The following TRAK1 variants were observed in gnomAD, a reference collection of about 807,000 sequenced individuals.
TRAK1 encodes trafficking kinesin protein 1.
A neutral mutation model predicts 92.1 loss-of-function variants in TRAK1; 33 were observed. That is an observed-to-expected ratio of 0.36 (90% confidence interval 0.27 to 0.48). The LOEUF (loss-of-function observed/expected upper bound fraction) is 0.48, where lower values mean the gene tolerates loss of function less well. TRAK1 is among the 20% of genes least tolerant of loss of function. TRAK1 has a pLI of 0.99. For synonymous variants in TRAK1, 521 were observed against 517.3 expected (o/e 1.01, Z -0.10); for missense variants, 1,123 against 1,257.9 (o/e 0.89, Z 1.62).
At chr3:42,125,327 C>T (rs534569423) in intron 1 of TRAK1, 93 bp from the exon 2 acceptor site, 42 of 1,162,072 alleles carry the variant, frequency 3.6e-5, no homozygotes, top group Admixed American at 7.8e-5. Flanking sequence ...GATAAATAAC[C>T]GAAGATACCT....
intron 1 of TRAK1, among the ~76,000 whole-genome samples, chr3:42,053,668 C>T (rs562089793): frequency 1.3e-5 from 2 of 152,238 alleles, no homozygotes; most frequent in East Asian, 1.9e-4. Context: ...GCCAAGTCCA[C>T]GCTGCCCCTG....
At chr3:42,136,733 A>C (rs1223608788) in intron 2 of TRAK1, among the ~76,000 whole-genome samples, 2 of 151,958 alleles carry the variant, frequency 1.3e-5, no homozygotes, top group African/African-American at 4.8e-5. Flanking sequence ...CCCAGGCTGG[A>C]GTGCAGTGGC....
At chr3:42,190,568 A>G (rs1705567178) in intron 6 of TRAK1, among the ~76,000 whole-genome samples, 2 of 152,170 alleles carry the variant, frequency 1.3e-5, no homozygotes, top group South Asian at 4.1e-4. Flanking sequence ...TGCCCCAGGT[A>G]AATGCTCCAG....
intron 2 of TRAK1, among the ~76,000 whole-genome samples, chr3:42,169,686 A>T (rs1032819353): frequency 6.6e-6 from 1 of 150,596 alleles, no homozygotes; most frequent in South Asian, 2.1e-4. Context: ...AAAAAAAAAA[A>T]AGTGGGGATA....
At chr3:42,121,384 C>T (rs1429111751) in intron 1 of TRAK1, among the ~76,000 whole-genome samples, 1 of 151,992 alleles carries the variant, frequency 6.6e-6, no homozygotes, top group East Asian at 1.9e-4. Flanking sequence ...CTCAGCCTCC[C>T]TAGTAGCTGG....
At chr3:42,043,775 C>A (rs1702649524) in intron 1 of TRAK1, among the ~76,000 whole-genome samples, 1 of 151,900 alleles carries the variant, frequency 6.6e-6, no homozygotes, top group African/African-American at 2.4e-5. Flanking sequence ...CACCCCACCC[C>A]CCCGCCACCC....
chr3:42,193,827 G>T lies in TRAK1; in HGVS notation c.904G>T (p.Ala302Ser), dbSNP rs778906690. The T allele has an allele frequency of 6.2e-7, 1 of 1,614,088 alleles. No individual in the cohort carries two copies. The highest frequency in any genetic ancestry group is 8.5e-7 in the Non-Finnish European group (1 of 1,180,020). ...ATCTATCTTTGCCATGCTTTAGTGC[G>T]CAGTGGAAAATGAAGAACTTGTCCA... ...VDLQKKAKAC[A>S]VENEELVQHL... Residue 302 changes from alanine (A) to serine (S), a missense_variant, in exon 9 of 16, where the codon GCA (alanine) becomes TCA (serine). Ala to Ser is a moderately conservative substitution (Grantham distance 99). This residue lies in a region of TRAK1 where 686 missense variants were observed against 747.6 expected (regional missense o/e 0.92). Transcript: ENST00000327628.
chr3:42,080,526 C>G (rs549172204), intron 1 of TRAK1, among the ~76,000 whole-genome samples: 20 of 152,342 alleles, frequency 1.3e-4, no homozygotes, highest in African/African-American at 4.6e-4. Flanking sequence ...TCCACTCTCA[C>G]TTTTCTTAAG....
At chr3:42,113,452 T>G (rs565871149) in intron 1 of TRAK1, among the ~76,000 whole-genome samples, 30 of 146,188 alleles carry the variant, frequency 2.1e-4, no homozygotes, top group Non-Finnish European at 3.8e-4. Flanking sequence ...AGGCAGAGTT[T>G]CACTCTTGTT....
intron 1 of TRAK1, among the ~76,000 whole-genome samples, chr3:42,102,320 G>T (rs1706887792): frequency 6.6e-6 from 1 of 152,224 alleles, no homozygotes; most frequent in Non-Finnish European, 1.5e-5. Context: ...CCTATCTTCA[G>T]AAGAAATGTC....
chr3:42,171,987 T>C (rs976555905), intron 2 of TRAK1, among the ~76,000 whole-genome samples: 2 of 152,142 alleles, frequency 1.3e-5, no homozygotes, highest in South Asian at 2.1e-4. Flanking sequence ...CCGTCCCCAT[T>C]AGCTGTGACA....
At chr3:42,128,239 CT>C (rs943381809) in intron 2 of TRAK1, among the ~76,000 whole-genome samples, 1 of 152,136 alleles carries the variant, frequency 6.6e-6, no homozygotes, top group Admixed American at 6.6e-5. Context: ...GAGTGAGTGT[CT>C]TTTTTGTTTG....
chr3:42,153,511 C>T (rs1700190054), intron 2 of TRAK1, among the ~76,000 whole-genome samples: 1 of 152,320 alleles, frequency 6.6e-6, no homozygotes, highest in South Asian at 2.1e-4. Context: ...CCGCTCACCT[C>T]CCCCTTTTAT....
At chr3:42,181,265 C>T (rs1285660674) in intron 3 of TRAK1, among the ~76,000 whole-genome samples, 4 of 152,172 alleles carry the variant, frequency 2.6e-5, no homozygotes, top group African/African-American at 4.8e-5. Flanking sequence ...GGCTAAAGGC[C>T]GGGCGCAGTG....
chr3:42,061,688 G>A (rs190452724), intron 1 of TRAK1, among the ~76,000 whole-genome samples: 67 of 152,202 alleles, frequency 4.4e-4, no homozygotes, highest in Non-Finnish European at 6.8e-4. Flanking sequence ...TGTTCACTTT[G>A]GCTTGTGTTA....
intron 1 of TRAK1, among the ~76,000 whole-genome samples, chr3:42,063,359 C>A (rs116401154): frequency 6.6e-6 from 1 of 152,222 alleles, no homozygotes; most frequent in Non-Finnish European, 1.5e-5. Context: ...CCTGCCCAAC[C>A]AGGAATGCCT....
At chr3:42,199,859 A>T (rs369952198) in intron 11 of TRAK1, among the ~76,000 whole-genome samples, 17 of 152,230 alleles carry the variant, frequency 1.1e-4, no homozygotes, top group African/African-American at 4.1e-4. Context: ...CTCTTAACAC[A>T]AGCTTTGTCT....
At chr3:42,052,147 A>G (rs2148914858) in intron 1 of TRAK1, among the ~76,000 whole-genome samples, 1 of 152,356 alleles carries the variant, frequency 6.6e-6, no homozygotes, top group Admixed American at 6.5e-5. Flanking sequence ...TCTCTAAGGG[A>G]CATGGCATCA....
intron 10 of TRAK1, among the ~76,000 whole-genome samples, chr3:42,195,543 C>T (rs1402141216): frequency 6.6e-6 from 1 of 152,094 alleles, no homozygotes. Context: ...TTGGCCTTTT[C>T]CTTGGAGCTC....
Sources: allele counts gnomAD v4.1 joint callset (sites outside exome capture counted in the v4.1 genomes callset), GRCh38; gene constraint gnomAD v4.1.1; regional missense constraint gnomAD v4.1.1; transcripts MANE v1.5; gene names NCBI Gene and HGNC (gene_info 2026-07-23, HGNC 2026-07-21).